The following DPYD variants were observed in gnomAD, a reference collection of about 807,000 sequenced individuals.
DPYD encodes dihydropyrimidine dehydrogenase.
Under a neutral mutation model 116.2 loss-of-function variants are expected in DPYD, and 109 were observed. The ratio of observed to expected loss-of-function variants is 0.94; its 90% confidence interval spans 0.80 to 1.10. DPYD has a LOEUF of 1.10. Among genes scored for constraint, DPYD ranks in the 50% least tolerant of loss-of-function variants. The pLI is 0.00. For missense variants in DPYD, 1,302 were observed against 1,254.5 expected, an observed-to-expected ratio of 1.04 and a Z score of -0.57; for synonymous variants, 440 against 432.0, an observed-to-expected ratio of 1.02 and a Z score of -0.23.
In DPYD at chr1:97,479,572, G is replaced by A. The variant is rs80099317; in HGVS notation, c.1741-29349C>T. 2.4e-3 allele frequency among the ~76,000 whole-genome samples: 360 copies of A among 152,282 alleles called. 6 individuals are homozygous for A. Among genetic ancestry groups the A allele is most frequent in the African/African-American group, 8.1e-3 (337 of 41,564 alleles). ...AGACATAATAGTACTAAAAAAGTTT[G>A]AAACATTGCAAGAATTATCAAAATG... On this transcript the variant is annotated intron_variant, in intron 13 of 22. Transcript: ENST00000370192.
intron 19 of DPYD, among the ~76,000 whole-genome samples, chr1:97,221,765 TA>T (rs962579276): frequency 2.8e-4 from 42 of 152,094 alleles, no homozygotes; most frequent in African/African-American, 9.2e-4. Flanking sequence ...AACTGGTAAT[TA>T]AAATCAATTT....
chr1:97,213,452 G>T (rs1285284806), intron 19 of DPYD, among the ~76,000 whole-genome samples: 2 of 152,016 alleles, frequency 1.3e-5, no homozygotes, highest in East Asian at 3.9e-4. Context: ...CTTAATGATC[G>T]CTTCCTTACA....
intron 10 of DPYD, among the ~76,000 whole-genome samples, chr1:97,579,309 T>C (rs954584735): frequency 6.6e-6 from 1 of 152,202 alleles, no homozygotes; most frequent in Non-Finnish European, 1.5e-5. Context: ...CAAATTATTA[T>C]GAAAATCTGA....
At chr1:97,705,547 G>A (rs1330665751) in intron 5 of DPYD, among the ~76,000 whole-genome samples, 3 of 151,796 alleles carry the variant, frequency 2.0e-5, no homozygotes, top group Non-Finnish European at 4.4e-5. Context: ...TGGACATTTG[G>A]GTTGGTTCCA....
chr1:97,574,310 CTCTTTT>C (rs1210463182), intron 10 of DPYD, among the ~76,000 whole-genome samples: 21 of 152,064 alleles, frequency 1.4e-4, no homozygotes, highest in Admixed American at 5.2e-4. Flanking sequence ...AGATTAAGGT[CTCTTTT>C]TTTAATCATG....
intron 13 of DPYD, among the ~76,000 whole-genome samples, chr1:97,456,023 C>A (rs567150066): frequency 6.6e-6 from 1 of 151,782 alleles, no homozygotes; most frequent in East Asian, 1.9e-4. Flanking sequence ...AGTTGTAGCA[C>A]TGACATTGTA....
chr1:97,795,542 G>A (rs1173280367), intron 3 of DPYD, among the ~76,000 whole-genome samples: 3 of 151,772 alleles, frequency 2.0e-5, no homozygotes, highest in Non-Finnish European at 4.4e-5. Flanking sequence ...GCACATTGAC[G>A]CAATTAAAAA....
chr1:97,412,653 G>A (rs1027400622), intron 14 of DPYD, among the ~76,000 whole-genome samples: 1 of 152,192 alleles, frequency 6.6e-6, no homozygotes, highest in African/African-American at 2.4e-5. Context: ...GGAAAAAAGT[G>A]TACGACTACA....
rs143190391 is a variant in DPYD, at chr1:97,152,883, T to A, written c.2622+40186A>T. Among the ~76,000 whole-genome samples, 504 of 152,294 alleles carry A rather than the reference T, an allele frequency of 3.3e-3. 3 individuals are homozygous for A. The highest frequency in any genetic ancestry group is 0.011 in the African/African-American group (473 of 41,578). ...AAATATAACTTGTCTTATTTTTATC[T>A]GTCCTCAATTTGAGTGTGTCCTAGT... On this transcript the variant is annotated intron_variant, in intron 20 of 22. Coordinates refer to ENST00000370192, the MANE Select transcript of DPYD (RefSeq NM_000110.4).
chr1:97,380,354 A>G (rs1266628080), intron 15 of DPYD, among the ~76,000 whole-genome samples: 2 of 152,200 alleles, frequency 1.3e-5, no homozygotes, highest in African/African-American at 4.8e-5. Context: ...GGATCAAGAA[A>G]ACTAACTAGA....
At chr1:97,097,581 C>T (rs1045870786) in intron 21 of DPYD, among the ~76,000 whole-genome samples, 9 of 152,060 alleles carry the variant, frequency 5.9e-5, no homozygotes, top group South Asian at 4.1e-4. Flanking sequence ...CTCATTATGA[C>T]TGCTTGGAAA....
intron 3 of DPYD, among the ~76,000 whole-genome samples, chr1:97,772,112 T>A (rs1173941328): frequency 6.6e-6 from 1 of 152,180 alleles, no homozygotes; most frequent in Non-Finnish European, 1.5e-5. Flanking sequence ...CTTAAATTTT[T>A]TTATCTCTTT....
At chr1:97,659,405 C>T (rs1197986804) in intron 8 of DPYD, among the ~76,000 whole-genome samples, 3 of 152,090 alleles carry the variant, frequency 2.0e-5, no homozygotes, top group Non-Finnish European at 4.4e-5. Context: ...ACAGTCTGTA[C>T]ATTTGTATAA....
intron 20 of DPYD, among the ~76,000 whole-genome samples, chr1:97,147,176 T>C (rs1270076109): frequency 1.3e-5 from 2 of 152,142 alleles, no homozygotes; most frequent in Admixed American, 6.5e-5. Flanking sequence ...GGTGAAACGC[T>C]GTCTCTTCTG....
intron 18 of DPYD, among the ~76,000 whole-genome samples, chr1:97,249,423 C>A (rs1662935159): frequency 6.6e-6 from 1 of 151,868 alleles, no homozygotes; most frequent in East Asian, 1.9e-4. Context: ...AAAAATGAAA[C>A]CATGGCCTCT....
intron 19 of DPYD, among the ~76,000 whole-genome samples, chr1:97,220,410 A>G (rs963599256): frequency 6.6e-6 from 1 of 152,142 alleles, no homozygotes; most frequent in Non-Finnish European, 1.5e-5. Flanking sequence ...TAAGAAATAC[A>G]TTCCCTTTCT....
chr1:97,559,356 A>G (rs921660755), intron 11 of DPYD, among the ~76,000 whole-genome samples: 12 of 152,174 alleles, frequency 7.9e-5, no homozygotes, highest in African/African-American at 1.7e-4. Context: ...ATAAGTGAAC[A>G]CTGAAAAATA....
intron 12 of DPYD, among the ~76,000 whole-genome samples, chr1:97,521,179 G>A (rs1441228207): frequency 2.0e-5 from 3 of 152,170 alleles, no homozygotes; most frequent in Non-Finnish European, 4.4e-5. Flanking sequence ...TAACTGGCGT[G>A]AGATGGTATC....
At chr1:97,533,016 C>G (rs1279133620) in intron 12 of DPYD, among the ~76,000 whole-genome samples, 4 of 151,250 alleles carry the variant, frequency 2.6e-5, no homozygotes, top group Admixed American at 1.3e-4. Flanking sequence ...CAGACATTTA[C>G]TGCTATAAAA....
Sources: allele counts gnomAD v4.1 joint callset (sites outside exome capture counted in the v4.1 genomes callset), GRCh38; gene constraint gnomAD v4.1.1; transcripts MANE v1.5; gene names NCBI Gene and HGNC (gene_info 2026-07-23, HGNC 2026-07-21).